The following EHF variants were observed in gnomAD, a reference collection of about 807,000 sequenced individuals.
The protein encoded by EHF is ETS homologous factor, also known as ESE3 transcription factor.
EHF carries 14 observed loss-of-function variants against 45.1 expected under a neutral mutation model. That is an observed-to-expected ratio of 0.31 (90% CI 0.21 to 0.49). The LOEUF is 0.49. Among genes scored for constraint, EHF ranks in the 20% least tolerant of loss-of-function variants. EHF has a pLI of 0.99. For synonymous variants in EHF, 136 were observed against 131.8 expected, an observed-to-expected ratio of 1.03 and a Z score of -0.22; for missense variants, 282 against 371.4, an observed-to-expected ratio of 0.76 and a Z score of 1.98.
rs536314647 is a variant in EHF, at chr11:34,648,256, T to C, written c.344-763T>C. 3.9e-5 allele frequency among the ~76,000 whole-genome samples: 6 copies of C among 152,330 alleles called. No individual in the cohort carries two copies. The East Asian group carries it at 1.2e-3, about 29-fold the overall frequency. ...CCATTTTACAGGTGGGAAGACTGAA[T>C]GTCAGAGAGGTTAAAGGCATGGCTT... On this transcript the variant is annotated intron_variant, in intron 3 of 8. Coordinates refer to ENST00000257831, the MANE Select transcript of EHF (RefSeq NM_012153.6).
At chr11:34,639,936 G>T (rs1034042653) in intron 1 of EHF, among the ~76,000 whole-genome samples, 1 of 152,300 alleles carries the variant, frequency 6.6e-6, no homozygotes, top group Non-Finnish European at 1.5e-5. Flanking sequence ...GGTGGAAAAT[G>T]ACGTCGGCCC....
At chr11:34,633,567 T>C (rs1853107675) in intron 1 of EHF, among the ~76,000 whole-genome samples, 1 of 152,094 alleles carries the variant, frequency 6.6e-6, no homozygotes, top group Non-Finnish European at 1.5e-5. Flanking sequence ...TACTGAGCAT[T>C]AGGACCTATT....
intron 2 of EHF, 55 bp from the exon 3 acceptor site, chr11:34,646,384 T>C (rs1854536198): frequency 6.2e-7 from 1 of 1,606,356 alleles, no homozygotes; most frequent in South Asian, 1.1e-5. Context: ...CTGTGTCAGA[T>C]ACTATGGCCA....
intron 3 of EHF, 36 bp downstream of exon 3, chr11:34,646,720 T>C: frequency 1.2e-6 from 2 of 1,601,062 alleles, no homozygotes; most frequent in Non-Finnish European, 1.7e-6. Context: ...CCTACCCTGC[T>C]AGGAGCCAGC....
At chr11:34,657,040 T>G in intron 7 of EHF, 70 bp downstream of exon 7, 1 of 1,578,128 alleles carries the variant, frequency 6.3e-7, no homozygotes, top group African/African-American at 1.4e-5. Flanking sequence ...AGGCCACTAG[T>G]TTTTTGGCAA....
intron 6 of EHF, among the ~76,000 whole-genome samples, chr11:34,652,413 G>A (rs770845052): frequency 1.3e-5 from 2 of 152,172 alleles, no homozygotes; most frequent in Non-Finnish European, 2.9e-5. Context: ...ATGCAACTGG[G>A]GCTATCCATG....
At chr11:34,654,759 G>C (rs746259016) in intron 6 of EHF, among the ~76,000 whole-genome samples, 1 of 152,052 alleles carries the variant, frequency 6.6e-6, no homozygotes, top group Non-Finnish European at 1.5e-5. Flanking sequence ...CAAGGTTTTC[G>C]TCTTATTCAC....
At chr11:34,633,510 T>A (rs1229919688) in intron 1 of EHF, among the ~76,000 whole-genome samples, 1 of 152,088 alleles carries the variant, frequency 6.6e-6, no homozygotes, top group African/African-American at 2.4e-5. Context: ...AGTTTAGAGA[T>A]CTGGGGTTTC....
At chr11:34,654,039 C>A (rs1422353843) in intron 6 of EHF, among the ~76,000 whole-genome samples, 1 of 152,142 alleles carries the variant, frequency 6.6e-6, no homozygotes, top group East Asian at 1.9e-4. Context: ...ACTTGTTGAG[C>A]CTAAAGCTAG....
intron 1 of EHF, among the ~76,000 whole-genome samples, chr11:34,625,698 C>T (rs766358993): frequency 6.6e-6 from 1 of 152,114 alleles, no homozygotes; most frequent in Non-Finnish European, 1.5e-5. Flanking sequence ...AAAGAGACAC[C>T]CTGTAAAATA....
chr11:34,625,470 G>A (rs1852298935), intron 1 of EHF, among the ~76,000 whole-genome samples: 1 of 152,184 alleles, frequency 6.6e-6, no homozygotes. Context: ...TTGCTTGACT[G>A]ATTATCCATG....
chr11:34,656,793 G>A (rs533848392), intron 6 of EHF, 115 bp from the exon 7 acceptor site: 49 of 1,166,396 alleles, frequency 4.2e-5, no homozygotes, highest in Non-Finnish European at 5.6e-5. Context: ...CATACTCAAA[G>A]GTGCCAGGCA....
Position 34,658,880 on chromosome 11 carries a change from G to T in EHF, c.852G>T (p.Leu284=). Residue 284 remains leucine, a synonymous_variant, in exon 9 of 9, where the codon CTG becomes CTT. Coordinates refer to ENST00000257831, the MANE Select transcript of EHF (RefSeq NM_012153.6). ...EILERVDGRR[L]VYKFGKNARG... ...TGGAGCGTGTGGATGGACGAAGACT[G>T]GTATATAAATTTGGGAAGAATGCCC... 1 of 1,613,304 alleles carries T rather than the reference G, an allele frequency of 6.2e-7. No homozygotes were observed. Among genetic ancestry groups the T allele is most frequent in the Non-Finnish European group, 8.5e-7 (1 of 1,179,622 alleles).
At chr11:34,637,248 C>T (rs940961330) in intron 1 of EHF, among the ~76,000 whole-genome samples, 2 of 152,102 alleles carry the variant, frequency 1.3e-5, no homozygotes, top group East Asian at 3.9e-4. Context: ...CCCCTGCTCC[C>T]CTTCATGGGT....
chr11:34,635,042 C>T (rs1268814273), intron 1 of EHF, among the ~76,000 whole-genome samples: 1 of 152,126 alleles, frequency 6.6e-6, no homozygotes, highest in Non-Finnish European at 1.5e-5. Context: ...TGACATAATG[C>T]CTCCTAGAGT....
chr11:34,637,054 A>G (rs1435537126), intron 1 of EHF, among the ~76,000 whole-genome samples: 2 of 146,882 alleles, frequency 1.4e-5, no homozygotes, highest in Non-Finnish European at 3.0e-5. Flanking sequence ...AAAAAAAGAC[A>G]TGCGGCACTA....
intron 6 of EHF, among the ~76,000 whole-genome samples, chr11:34,653,328 G>T (rs1855377815): frequency 6.6e-6 from 1 of 152,166 alleles, no homozygotes; most frequent in Non-Finnish European, 1.5e-5. Context: ...CAGCTCTGCT[G>T]CCCTGACAGC....
intron 6 of EHF, among the ~76,000 whole-genome samples, chr11:34,653,154 TTCCATCCTTCCATCC>T (rs1446087419): frequency 3.6e-4 from 1 of 2,804 alleles, no homozygotes; most frequent in African/African-American, 3.8e-4. Flanking sequence ...CCTTCCATCC[TTCCATCCTTCCATCC>T]TTCCATCCTT....
In EHF at chr11:34,622,427, G is replaced by A. The variant is rs1420648290; in HGVS notation, c.-4+1199G>A. 3 of 1,282,526 alleles carry A rather than the reference G, an allele frequency of 2.3e-6. No individual in the cohort carries two copies. The Admixed American group carries it at 6.9e-5, about 30-fold the overall frequency. 79.4% of individuals were successfully genotyped at this position (1,282,526 alleles called of 1,614,324 possible). A position where few individuals can be genotyped will look rare whatever the true frequency, so the allele number is the denominator to read the frequency against. On this transcript the variant is annotated intron_variant, in intron 1 of 8. Coordinates refer to ENST00000257831, the MANE Select transcript of EHF (RefSeq NM_012153.6). ...TCTGCAGCCATGGAGGTAAAGATGTGTTGATAGTCTTTCAATGTGTAAAAG... is the reference window on the plus strand; with the variant it reads ...TCTGCAGCCATGGAGGTAAAGATGTATTGATAGTCTTTCAATGTGTAAAAG...
Sources: allele counts gnomAD v4.1 joint callset (sites outside exome capture counted in the v4.1 genomes callset), GRCh38; gene constraint gnomAD v4.1.1; transcripts MANE v1.5; gene names NCBI Gene and HGNC (gene_info 2026-07-23, HGNC 2026-07-21).